The following EIF3F variants were observed in gnomAD, a reference collection of about 807,000 sequenced individuals.
EIF3F encodes eukaryotic translation initiation factor 3 subunit F, also known as deubiquitinating enzyme eIF3f.
A neutral mutation model predicts 36.0 loss-of-function variants in EIF3F; 8 were observed. The ratio of observed to expected loss-of-function variants is 0.22; its 90% CI spans 0.13 to 0.40. The LOEUF is 0.40. EIF3F is among the 10% of genes least tolerant of loss of function. The probability of loss-of-function intolerance (pLI) is 1.00; values close to 1 mark genes in which losing one functional copy is unlikely to be tolerated. For missense variants in EIF3F, 430 were observed against 467.6 expected (o/e 0.92, Z 0.74); for synonymous variants, 184 against 188.5 (o/e 0.98, Z 0.19).
In EIF3F at chr11:7,996,281, A is replaced by T. The variant is rs561011232; in HGVS notation, c.*259A>T. Reference sequence around the variant, plus strand: ...TAGAGAAGTTGGTTATGTGTTTGGCATGTTACTGTTTTACCAAACTGTTCT... The same window carrying T: ...TAGAGAAGTTGGTTATGTGTTTGGCTTGTTACTGTTTTACCAAACTGTTCT... On this transcript the variant is annotated 3_prime_UTR_variant, in exon 8 of 8. Coordinates refer to ENST00000651655, the MANE Select transcript of EIF3F (RefSeq NM_003754.3). 383 of 349,510 alleles carry T rather than the reference A, an allele frequency of 1.1e-3. 3 individuals are homozygous for T. Among genetic ancestry groups the T allele is most frequent in the African/African-American group, 7.3e-3 (350 of 47,982 alleles). The allele number at this position is 349,510 out of a possible 1,614,324, so 21.7% of individuals were successfully genotyped here.
At position 7,993,832 on chromosome 11, in the gene EIF3F, G is replaced by GTA. The variant is rs10545177; in HGVS notation, c.654-580_654-579dup. Reference sequence around the variant, plus strand: ...GGTATTTCAGACTCCTCAAGATCCAGTATATATATATATATGGATCCAGTA... The same window carrying GTA: ...GGTATTTCAGACTCCTCAAGATCCAGTATATATATATATATATGGATCCAGTA... On this transcript the variant is annotated intron_variant, in intron 4 of 7. Coordinates refer to ENST00000651655, the MANE Select transcript of EIF3F (RefSeq NM_003754.3). 6.4e-4 allele frequency among the ~76,000 whole-genome samples: 96 copies of GTA among 150,094 alleles called. No individual in the cohort carries two copies. In the East Asian group the frequency reaches 8.4e-3, roughly 13 times the overall value.
At position 7,998,751 on chromosome 11, in the gene EIF3F, A is replaced by G. The variant is rs1472778840; in HGVS notation, c.*2729A>G. On this transcript the variant is annotated 3_prime_UTR_variant, in exon 8 of 8. Coordinates refer to ENST00000651655, the MANE Select transcript of EIF3F (RefSeq NM_003754.3). Reference sequence around the variant, plus strand: ...AAAAGAATGATAAAAATTCCCAATAATGTTTACTTTGGTGGTGAGAAGAGG... The same window carrying G: ...AAAAGAATGATAAAAATTCCCAATAGTGTTTACTTTGGTGGTGAGAAGAGG... 1.3e-5 allele frequency: 2 copies of G among 152,192 alleles called. No homozygotes were observed. Among genetic ancestry groups the G allele is most frequent in the Non-Finnish European group, 2.9e-5 (2 of 68,038 alleles). The allele number at this position is 152,192 out of a possible 1,614,324, so 9.4% of individuals were successfully genotyped here.
At position 7,987,438 on chromosome 11, in the gene EIF3F, C is replaced by T; in HGVS notation, c.86C>T (p.Pro29Leu). The T allele has an allele frequency of 6.2e-7, 1 of 1,602,960 alleles. No homozygotes were observed. The highest frequency in any genetic ancestry group is 8.5e-7 in the Non-Finnish European group (1 of 1,179,272). The change falls in exon 1 of 8, where the codon CCA becomes CTA. Residue 29 changes from proline to leucine, a missense_variant. Transcript: ENST00000651655. ...PAAAPASVPAPTPAPAAAPVP... is the reference protein window; with the variant it reads ...PAAAPASVPALTPAPAAAPVP... ...GCGGCCCCAGCCTCAGTTCCAGCGCCAACGCCAGCACCGGCTGCGGCTCCG... is the reference window on the plus strand; with the variant it reads ...GCGGCCCCAGCCTCAGTTCCAGCGCTAACGCCAGCACCGGCTGCGGCTCCG...
Position 7,999,080 on chromosome 11 carries a change from A to C in EIF3F, c.*3058A>C, listed in dbSNP as rs6578919. On this transcript the variant is annotated 3_prime_UTR_variant, in exon 8 of 8. Coordinates refer to ENST00000651655, the MANE Select transcript of EIF3F (RefSeq NM_003754.3). ...TCAAGACCAGCGTGGCCAACATGGCAAAACCCCGTCTCTACTAAAAAAAAA... is the reference window on the plus strand; with the variant it reads ...TCAAGACCAGCGTGGCCAACATGGCCAAACCCCGTCTCTACTAAAAAAAAA... The C allele has an allele frequency of 1.3e-5, 2 of 151,956 alleles. No individual in the cohort carries two copies. The highest frequency in any genetic ancestry group is 2.9e-5 in the Non-Finnish European group (2 of 67,996). 9.4% of individuals were successfully genotyped at this position (151,956 alleles called of 1,614,324 possible).
intron 6 of EIF3F, 62 bp downstream of exon 6, chr11:7,995,180 G>A (rs370583444): frequency 8.1e-6 from 13 of 1,606,398 alleles, no homozygotes; most frequent in East Asian, 6.7e-5. Flanking sequence ...GATCACTGAG[G>A]CATGTGCTGA....
At chr11:7,990,808 T>G (rs113331568) in intron 1 of EIF3F, among the ~76,000 whole-genome samples, 8 of 151,218 alleles carry the variant, frequency 5.3e-5, no homozygotes, top group African/African-American at 1.9e-4. Context: ...TCCAATAGAT[T>G]AGAAGAGAAT....
intron 4 of EIF3F, among the ~76,000 whole-genome samples, chr11:7,994,211 A>AG (rs1942135342): frequency 1.3e-5 from 2 of 152,314 alleles, no homozygotes; most frequent in African/African-American, 4.8e-5. Flanking sequence ...CCAAATGCAA[A>AG]GGCCCCCCTT....
intron 1 of EIF3F, among the ~76,000 whole-genome samples, chr11:7,988,802 T>C (rs1182787447): frequency 1.3e-5 from 2 of 152,248 alleles, no homozygotes; most frequent in African/African-American, 4.8e-5. Context: ...GGAGCTACTT[T>C]AGACTTAGTC....
At chr11:7,994,810 G>A in intron 5 of EIF3F, 172 bp from the exon 6 acceptor site, 1 of 979,362 alleles carries the variant, frequency 1.0e-6, no homozygotes, top group Non-Finnish European at 1.5e-6. Context: ...TTAGGAGGAA[G>A]AAAAGCTGAT....
At position 8,001,536 on chromosome 11, in the gene EIF3F, T is replaced by A. The variant is rs183948924; in HGVS notation, c.*5514T>A. ...AGTATGATATATCCATAAAACACAATACTATGCAGCTGTTAAGCAGAATGA... is the reference window on the plus strand; with the variant it reads ...AGTATGATATATCCATAAAACACAAAACTATGCAGCTGTTAAGCAGAATGA... On this transcript the variant is annotated 3_prime_UTR_variant, in exon 8 of 8. Coordinates refer to ENST00000651655, the MANE Select transcript of EIF3F (RefSeq NM_003754.3). The A allele has an allele frequency of 7.2e-4, 110 of 152,244 alleles. 1 individual carries two copies. Among genetic ancestry groups the A allele is most frequent in the African/African-American group, 2.5e-3 (105 of 41,544 alleles). 9.4% of individuals were successfully genotyped at this position (152,244 alleles called of 1,614,324 possible).
chr11:7,995,474 A>G, intron 7 of EIF3F, 107 bp downstream of exon 7: 2 of 927,600 alleles, frequency 2.2e-6, no homozygotes, highest in Non-Finnish European at 1.8e-6. Flanking sequence ...TAGGATAGAG[A>G]CAGGGCTTCA....
chr11:7,988,844 A>G (rs542787030), intron 1 of EIF3F, among the ~76,000 whole-genome samples: 5 of 152,348 alleles, frequency 3.3e-5, no homozygotes, highest in South Asian at 4.1e-4. Flanking sequence ...ACTTCTGACT[A>G]TGCTGGCACA....
rs1337063906 is a variant in EIF3F, at chr11:8,001,304, C to G, written c.*5282C>G. The G allele has an allele frequency of 6.6e-6, 1 of 152,214 alleles. No homozygotes were observed. Among genetic ancestry groups the G allele is most frequent in the Non-Finnish European group, 1.5e-5 (1 of 68,038 alleles). 9.4% of individuals were successfully genotyped at this position (152,214 alleles called of 1,614,324 possible). On this transcript the variant is annotated 3_prime_UTR_variant, in exon 8 of 8. Coordinates refer to ENST00000651655, the MANE Select transcript of EIF3F (RefSeq NM_003754.3). Reference sequence around the variant, plus strand: ...TAGACATATAAGTTGGTACAGCCCTCTCTATGTAATTTTGTGTTTGTCAAA... The same window carrying G: ...TAGACATATAAGTTGGTACAGCCCTGTCTATGTAATTTTGTGTTTGTCAAA...
chr11:7,995,514 A>T, intron 7 of EIF3F, 147 bp downstream of exon 7: 2 of 708,588 alleles, frequency 2.8e-6, no homozygotes, highest in South Asian at 3.2e-5. Context: ...CCAGGTTGGG[A>T]GGAAGGAAGA....
intron 3 of EIF3F, 119 bp downstream of exon 3, chr11:7,992,282 A>G: frequency 1.1e-6 from 1 of 892,544 alleles, no homozygotes; most frequent in African/African-American, 1.7e-5. Flanking sequence ...TTGCAAGTGT[A>G]TTACTGACTG....
chr11:7,989,218 G>T (rs905034028), intron 1 of EIF3F, among the ~76,000 whole-genome samples: 4 of 152,164 alleles, frequency 2.6e-5, no homozygotes, highest in Non-Finnish European at 5.9e-5. Flanking sequence ...AATTATTTTT[G>T]CATCACTGAC....
rs889287439 is a variant in EIF3F at position 7,994,722 on chromosome 11, C to A, written c.745+205C>A. 14 of 685,758 alleles carry A rather than the reference C, an allele frequency of 2.0e-5. No homozygotes were observed. The African/African-American group carries it at 2.3e-4, about 11-fold the overall frequency. 42.5% of individuals were successfully genotyped at this position (685,758 alleles called of 1,614,324 possible). ...GAAACTGTTAAAGGTGGGAAATGAT[C>A]AGCACCAGAGGCCACATACCATTCA... On this transcript the variant is annotated intron_variant, in intron 5 of 7. Transcript: ENST00000651655.
chr11:7,994,087 C>G (rs1052328559), intron 4 of EIF3F, among the ~76,000 whole-genome samples: 1 of 152,144 alleles, frequency 6.6e-6, no homozygotes, highest in Non-Finnish European at 1.5e-5. Context: ...TTGTCTCTGT[C>G]TCCTTTCCAT....
chr11:7,995,111 A>T lies in EIF3F; in HGVS notation c.875A>T (p.Asp292Val). ...ALSTVLQYAE[D>V]VLSGKVSADN... ...AGTACAGTGTTGCAATATGCAGAGG[A>T]TGTACTGGTGAGAGGGGAAAGAAAA... Residue 292 changes from aspartate to valine, a missense_variant, in exon 6 of 8, where the codon GAT (aspartate) becomes GTT (valine). By Grantham distance (152) the Asp-to-Val change is radical (BLOSUM62 -3). This residue lies in a region of EIF3F where 262 missense variants were observed against 347.4 expected (regional missense o/e 0.75). Transcript: ENST00000651655. 6.2e-7 allele frequency: 1 copy of T among 1,613,922 alleles called. No individual in the cohort carries two copies. The highest frequency in any genetic ancestry group is 8.5e-7 in the Non-Finnish European group (1 of 1,179,860).
Sources: gnomAD v4.1 joint callset for allele counts (sites outside exome capture counted in the v4.1 genomes callset) on GRCh38, gnomAD v4.1.1 for gene constraint, gnomAD v4.1.1 regional missense constraint, MANE v1.5 for transcripts, NCBI Gene and HGNC (gene_info 2026-07-23, HGNC 2026-07-21) for gene names.